ROBO1: variants seen among roughly 807,000 people sequenced by gnomAD.
ROBO1 encodes roundabout guidance receptor 1.
ROBO1 carries 149 observed loss-of-function variants against 195.9 expected under a neutral mutation model. That is an observed-to-expected ratio of 0.76 (90% CI 0.67 to 0.87). The LOEUF (loss-of-function observed/expected upper bound fraction) is 0.87, where lower values mean the gene tolerates loss of function less well. ROBO1 is among the 40% of genes least tolerant of loss of function. ROBO1 has a pLI of 0.00. For missense variants in ROBO1, 1,933 were observed against 2,068.3 expected (o/e 0.93, Z 1.27); for synonymous variants, 816 against 733.2 (o/e 1.11, Z -1.82).
At chr3:79,638,718 G>A (rs1178973649) in intron 1 of ROBO1, among the ~76,000 whole-genome samples, 1 of 152,154 alleles carries the variant, frequency 6.6e-6, no homozygotes, top group African/African-American at 2.4e-5. Flanking sequence ...CAGTATTAGA[G>A]CTTGACTAAT....
chr3:78,688,600 C>G (rs1184587262), intron 9 of ROBO1, 48 bp downstream of exon 9: 4 of 1,505,190 alleles, frequency 2.7e-6, no homozygotes, highest in Non-Finnish European at 3.5e-6. Flanking sequence ...TACATCTTGG[C>G]AACCATCTTT....
At chr3:78,810,915 T>G (rs77774540) in intron 4 of ROBO1, among the ~76,000 whole-genome samples, 5,948 of 152,284 alleles carry the variant, frequency 0.039, 132 homozygotes, top group Non-Finnish European at 0.047. Context: ...GTAATTTTCC[T>G]ACTTTCAATC....
intron 3 of ROBO1, among the ~76,000 whole-genome samples, chr3:79,014,016 C>T (rs577490712): frequency 6.6e-6 from 1 of 151,908 alleles, no homozygotes; most frequent in Non-Finnish European, 1.5e-5. Flanking sequence ...ATTCTAAAGT[C>T]TTATCATATG....
chr3:79,498,770 CT>C, intron 2 of ROBO1, among the ~76,000 whole-genome samples: 1 of 151,994 alleles, frequency 6.6e-6, no homozygotes, highest in South Asian at 2.1e-4. Context: ...AGGAGAATCA[CT>C]TGAACCCGGG....
chr3:79,738,952 A>T (rs576949951), intron 1 of ROBO1, among the ~76,000 whole-genome samples: 1 of 152,324 alleles, frequency 6.6e-6, no homozygotes, highest in East Asian at 1.9e-4. Context: ...TGAGAAGAAT[A>T]TGATAAAATC....
At chr3:79,291,109 C>T (rs950484329) in intron 2 of ROBO1, among the ~76,000 whole-genome samples, 18 of 152,146 alleles carry the variant, frequency 1.2e-4, no homozygotes, top group Non-Finnish European at 1.9e-4. Flanking sequence ...TTTGTTATTC[C>T]ATATTGATAA....
At chr3:79,015,597 C>G (rs2077911023) in intron 3 of ROBO1, among the ~76,000 whole-genome samples, 1 of 151,958 alleles carries the variant, frequency 6.6e-6, no homozygotes, top group Non-Finnish European at 1.5e-5. Flanking sequence ...TCTCCTGCAC[C>G]CTCCCACCCC....
chr3:79,209,436 T>A (rs924886643), intron 2 of ROBO1, among the ~76,000 whole-genome samples: 3 of 152,216 alleles, frequency 2.0e-5, no homozygotes, highest in African/African-American at 7.2e-5. Flanking sequence ...TTGTGAATCA[T>A]GCTTCTATAA....
intron 4 of ROBO1, among the ~76,000 whole-genome samples, chr3:78,806,686 T>G (rs1325400834): frequency 6.6e-6 from 1 of 152,146 alleles, no homozygotes; most frequent in Non-Finnish European, 1.5e-5. Context: ...GTTAAGCGGG[T>G]AAGTTACAAA....
Position 78,651,930 on chromosome 3 carries a change from C to G in ROBO1, c.2615-1G>C. ...GGTGACACAGGGTTTCCATGGGCAT[C>G]TGAAAAGTCATCTTCCGATTAATTT... On this transcript the variant is annotated splice_acceptor_variant, in intron 18 of 30. Transcript: ENST00000464233. LOFTEE classifies it high-confidence loss of function. 2 of 1,611,402 alleles carry G rather than the reference C, an allele frequency of 1.2e-6. No individual in the cohort carries two copies. The highest frequency in any genetic ancestry group is 1.7e-6 in the Non-Finnish European group (2 of 1,178,678).
chr3:78,800,262 C>A (rs932462786), intron 4 of ROBO1, among the ~76,000 whole-genome samples: 10 of 152,162 alleles, frequency 6.6e-5, no homozygotes, highest in East Asian at 5.8e-4. Context: ...AAAATAACAA[C>A]AAGATAACTA....
At chr3:79,696,382 T>A (rs1283787875) in intron 1 of ROBO1, among the ~76,000 whole-genome samples, 1 of 150,444 alleles carries the variant, frequency 6.6e-6, no homozygotes, top group Non-Finnish European at 1.5e-5. Context: ...CTTATTAAAA[T>A]AAGAAATTAT....
At chr3:79,089,857 G>A (rs560294297) in intron 3 of ROBO1, among the ~76,000 whole-genome samples, 35 of 151,478 alleles carry the variant, frequency 2.3e-4, no homozygotes, top group African/African-American at 8.2e-4. Context: ...TTGGCGTTGT[G>A]TATTCTTTTT....
chr3:79,322,304 G>A (rs554317837), intron 2 of ROBO1, among the ~76,000 whole-genome samples: 1 of 152,222 alleles, frequency 6.6e-6, no homozygotes, highest in East Asian at 1.9e-4. Context: ...TTTAGATGGA[G>A]AGTCAACATA....
chr3:79,008,755 ATT>A (rs5850410), intron 3 of ROBO1, among the ~76,000 whole-genome samples: 80,343 of 134,078 alleles, frequency 0.6, 24,100 homozygotes, highest in East Asian at 0.76. Flanking sequence ...CACCATGCTA[ATT>A]TTTTTTTTTT....
intron 2 of ROBO1, among the ~76,000 whole-genome samples, chr3:79,483,435 G>A (rs764129663): frequency 8.5e-5 from 13 of 152,192 alleles, no homozygotes; most frequent in African/African-American, 2.6e-4. Context: ...GACTGCATTC[G>A]GATGAAAATG....
chr3:79,720,792 ATT>A (rs36105372), intron 1 of ROBO1, among the ~76,000 whole-genome samples: 6,987 of 142,946 alleles, frequency 0.049, 373 homozygotes, highest in African/African-American at 0.13. Context: ...GGAGTTGCTA[ATT>A]TTTTTTTTTT....
At chr3:79,603,878 G>T (rs1016521276) in intron 1 of ROBO1, among the ~76,000 whole-genome samples, 2 of 151,896 alleles carry the variant, frequency 1.3e-5, no homozygotes, top group African/African-American at 2.4e-5. Flanking sequence ...TAGAATAATA[G>T]GGGATAAAGT....
intron 2 of ROBO1, among the ~76,000 whole-genome samples, chr3:79,271,063 T>A (rs183044229): frequency 6.6e-6 from 1 of 152,074 alleles, no homozygotes; most frequent in Non-Finnish European, 1.5e-5. Flanking sequence ...TATTATCATG[T>A]CATAGCCAAT....
Sources: allele counts gnomAD v4.1 joint callset (sites outside exome capture counted in the v4.1 genomes callset), GRCh38; gene constraint gnomAD v4.1.1; transcripts MANE v1.5; gene names NCBI Gene and HGNC (gene_info 2026-07-23, HGNC 2026-07-21).